TCAIM: variants seen among roughly 807,000 people sequenced by gnomAD.
TCAIM encodes T cell activation inhibitor, mitochondrial.
A neutral mutation model predicts 58.6 loss-of-function variants in TCAIM; 36 were observed. The ratio of observed to expected loss-of-function variants is 0.61; its 90% CI spans 0.47 to 0.81. The LOEUF is 0.81. Ranked by LOEUF, TCAIM falls within the 30% of genes least tolerant of loss-of-function variation. The pLI, the probability that TCAIM is intolerant of heterozygous loss-of-function variation, is 0.00. For synonymous variants in TCAIM, 172 were observed against 193.6 expected, an observed-to-expected ratio of 0.89 and a Z score of 0.93; for missense variants, 466 against 579.6, an observed-to-expected ratio of 0.80 and a Z score of 2.01.
intron 6 of TCAIM, among the ~76,000 whole-genome samples, 175 bp from the exon 7 acceptor site, chr3:44,396,225 G>C (rs1023902094): frequency 6.6e-6 from 1 of 152,130 alleles, no homozygotes; most frequent in African/African-American, 2.4e-5. Flanking sequence ...TTTTCCATTT[G>C]GTTGCTTTTT....
intron 3 of TCAIM, chr3:44,359,706 A>G (rs372989149): frequency 3.0e-4 from 46 of 152,328 alleles, no homozygotes; most frequent in African/African-American, 9.4e-4. Flanking sequence ...GGAAACTTGC[A>G]CGTGGTCTCT....
At chr3:44,377,545 A>C (rs1701585347) in intron 5 of TCAIM, among the ~76,000 whole-genome samples, 1 of 152,210 alleles carries the variant, frequency 6.6e-6, no homozygotes, top group Non-Finnish European at 1.5e-5. Context: ...TATACAAGAC[A>C]CTGTACCTAA....
chr3:44,404,079 T>C (rs1294559996), intron 10 of TCAIM, among the ~76,000 whole-genome samples: 1 of 152,146 alleles, frequency 6.6e-6, no homozygotes, highest in Non-Finnish European at 1.5e-5. Flanking sequence ...CGGGCACTCT[T>C]GACATGTTAT....
At chr3:44,381,383 A>G (rs1701652798) in intron 5 of TCAIM, among the ~76,000 whole-genome samples, 1 of 152,186 alleles carries the variant, frequency 6.6e-6, no homozygotes, top group Non-Finnish European at 1.5e-5. Flanking sequence ...ATCATCTAGA[A>G]TGATCATGAT....
upstream of TCAIM, chr3:44,338,447 C>T (rs1378198741): frequency 1.3e-5 from 2 of 152,330 alleles, no homozygotes; most frequent in African/African-American, 4.8e-5. Context: ...GCGCAGGCGC[C>T]GTAGGGGGAA....
chr3:44,358,575 A>C (rs1004999101), intron 3 of TCAIM: 6 of 290,140 alleles, frequency 2.1e-5, no homozygotes, highest in Non-Finnish European at 3.6e-5. Flanking sequence ...AGATATTATA[A>C]GTAATCTAGA....
At chr3:44,343,292 G>GC (rs1228616485) in intron 1 of TCAIM, among the ~76,000 whole-genome samples, 9 of 151,960 alleles carry the variant, frequency 5.9e-5, no homozygotes, top group African/African-American at 2.2e-4. Context: ...CAAATCTCAA[G>GC]CCCCCTAGCC....
At chr3:44,348,146 C>T (rs1701008681) in intron 1 of TCAIM, among the ~76,000 whole-genome samples, 1 of 152,140 alleles carries the variant, frequency 6.6e-6, no homozygotes, top group Non-Finnish European at 1.5e-5. Flanking sequence ...GGGAAACAGG[C>T]CCTTGAAAAG....
intron 1 of TCAIM, among the ~76,000 whole-genome samples, chr3:44,353,769 G>C (rs1231095639): frequency 6.6e-6 from 1 of 151,962 alleles, no homozygotes; most frequent in South Asian, 2.1e-4. Context: ...TTTTTGATTG[G>C]GTTGCTTGTT....
intron 1 of TCAIM, 23 bp from the exon 2 acceptor site, chr3:44,354,716 G>C: frequency 6.6e-7 from 1 of 1,521,280 alleles, no homozygotes. Context: ...TTGTTCATTT[G>C]TGATATCTGC....
In TCAIM at chr3:44,400,437, G is replaced by T; in HGVS notation, c.968G>T (p.Gly323Val). 1.9e-6 allele frequency: 3 copies of T among 1,613,770 alleles called. No homozygotes were observed. The highest frequency in any genetic ancestry group is 2.5e-6 in the Non-Finnish European group (3 of 1,179,876). ...GACCAAATAAGCTATCTTTTAGGTG[G>T]CATACAAGTTGTTTATATTGAAGAA... ...LEDQISYLLG[G>V]IQVVYIEELQ... is the part of the protein sequence containing the mutation. The change falls in exon 9 of 11, where the codon GGC becomes GTC. Residue 323 changes from glycine (G) to valine (V), a missense_variant. Gly to Val is a moderately radical substitution (Grantham distance 109). Transcript: ENST00000342649.
intron 5 of TCAIM, among the ~76,000 whole-genome samples, chr3:44,376,491 T>C (rs1701567657): frequency 6.6e-6 from 1 of 152,120 alleles, no homozygotes; most frequent in African/African-American, 2.4e-5. Flanking sequence ...CTAGTATAAA[T>C]TCAAATTAGG....
rs1701227602 is a variant in TCAIM, at chr3:44,357,883, A to G, written c.165+7A>G. On this transcript the variant is annotated splice_region_variant and intron_variant, in intron 3 of 10. Transcript: ENST00000342649. Reference sequence around the variant, plus strand: ...ACAGCACCCCGTAGAAAGGGTAAACATTTATTTATTTTTAAACCATTAGTG... The same window carrying G: ...ACAGCACCCCGTAGAAAGGGTAAACGTTTATTTATTTTTAAACCATTAGTG... 1 of 1,611,806 alleles carries G rather than the reference A, an allele frequency of 6.2e-7. No individual in the cohort carries two copies. Among genetic ancestry groups the G allele is most frequent in the African/African-American group, 1.3e-5 (1 of 74,692 alleles).
intron 3 of TCAIM, chr3:44,359,783 C>T (rs901249645): frequency 6.6e-6 from 1 of 152,206 alleles, no homozygotes; most frequent in Non-Finnish European, 1.5e-5. Context: ...TTGTAATAAA[C>T]CATAATGGTG....
intron 8 of TCAIM, among the ~76,000 whole-genome samples, chr3:44,399,689 TG>T (rs1314576867): frequency 6.6e-6 from 1 of 152,230 alleles, no homozygotes; most frequent in Non-Finnish European, 1.5e-5. Context: ...TACATTCATG[TG>T]CCATTTCTAA....
At chr3:44,368,322 C>A (rs1432681182) in intron 5 of TCAIM, among the ~76,000 whole-genome samples, 2 of 152,212 alleles carry the variant, frequency 1.3e-5, no homozygotes, top group Non-Finnish European at 2.9e-5. Flanking sequence ...CCATCACATT[C>A]TCTTCTTATG....
At chr3:44,348,305 T>A (rs1701013735) in intron 1 of TCAIM, among the ~76,000 whole-genome samples, 1 of 152,218 alleles carries the variant, frequency 6.6e-6, no homozygotes, top group Admixed American at 6.5e-5. Context: ...TGAGAAGATC[T>A]GGGAAGGAGT....
intron 1 of TCAIM, among the ~76,000 whole-genome samples, chr3:44,339,209 C>A (rs1700802266): frequency 6.6e-6 from 1 of 152,116 alleles, no homozygotes; most frequent in African/African-American, 2.4e-5. Flanking sequence ...CTAAGAAGTT[C>A]ATATTCAACT....
chr3:44,361,897 T>C (rs1197022850), intron 4 of TCAIM, among the ~76,000 whole-genome samples: 2 of 152,216 alleles, frequency 1.3e-5, no homozygotes, highest in Non-Finnish European at 2.9e-5. Context: ...TGATGTTCAG[T>C]GCCTTTCCCA....
Sources: gnomAD v4.1 joint callset for allele counts (sites outside exome capture counted in the v4.1 genomes callset) on GRCh38, gnomAD v4.1.1 for gene constraint, MANE v1.5 for transcripts, NCBI Gene and HGNC (gene_info 2026-07-23, HGNC 2026-07-21) for gene names.